SEMA5A: variants seen among roughly 807,000 people sequenced by gnomAD.
SEMA5A encodes semaphorin-5A.
In SEMA5A, 55 loss-of-function variants were observed where a neutral mutation model predicts 135.5. The observed-to-expected ratio is 0.41, with a 90% CI of 0.33 to 0.51. SEMA5A has a LOEUF of 0.51. Ranked by LOEUF, SEMA5A falls within the 20% of genes least tolerant of loss-of-function variation. The pLI is 0.37. For missense variants in SEMA5A, 1,290 were observed against 1,419.9 expected (o/e 0.91, Z 1.47); for synonymous variants, 580 against 546.5 (o/e 1.06, Z -0.85).
At chr5:9,225,389 T>TAATA (rs1747241939) in intron 7 of SEMA5A, among the ~76,000 whole-genome samples, 2 of 43,084 alleles carry the variant, frequency 4.6e-5, no homozygotes, top group African/African-American at 2.1e-4. Flanking sequence ...CCATCTCTAC[T>TAATA]AAAAAAAAAA....
intron 3 of SEMA5A, among the ~76,000 whole-genome samples, chr5:9,353,403 A>AAAGGAAGGAAAGG (rs1754302094): frequency 8.3e-6 from 1 of 120,614 alleles, no homozygotes; most frequent in Non-Finnish European, 1.9e-5. Context: ...GAAGGGAAAG[A>AAAGGAAGGAAAGG]AAGGAAGGAA....
At chr5:9,103,974 G>C (rs915898815) in intron 16 of SEMA5A, among the ~76,000 whole-genome samples, 1 of 152,148 alleles carries the variant, frequency 6.6e-6, no homozygotes, top group African/African-American at 2.4e-5. Flanking sequence ...CAAGAGAAGA[G>C]CTATAGAAAG....
chr5:9,376,752 A>G (rs2126464299), intron 3 of SEMA5A, among the ~76,000 whole-genome samples: 1 of 152,316 alleles, frequency 6.6e-6, no homozygotes, highest in South Asian at 2.1e-4. Flanking sequence ...CCATTTATGC[A>G]CTGAGTTTGG....
At chr5:9,113,085 G>C (rs183694405) in intron 15 of SEMA5A, among the ~76,000 whole-genome samples, 1 of 152,248 alleles carries the variant, frequency 6.6e-6, no homozygotes, top group East Asian at 1.9e-4. Flanking sequence ...TCACAGCTAG[G>C]GCCTCTATGT....
At position 9,147,168 on chromosome 5, in the gene SEMA5A, C is replaced by T. The variant is rs117655994; in HGVS notation, c.1481+7320G>A. 1.3e-4 allele frequency among the ~76,000 whole-genome samples: 20 copies of T among 152,256 alleles called. No homozygotes were observed. The East Asian group carries it at 3.9e-3, about 29-fold the overall frequency. On this transcript the variant is annotated intron_variant, in intron 12 of 22. Transcript: ENST00000382496. The stretch of plus-strand genomic sequence containing the variant: ...AAACATCCTGTAGTAATCTAATTTT[C>T]CATACTAATTTTTTGATGAGGTGTT...
intron 1 of SEMA5A, among the ~76,000 whole-genome samples, chr5:9,507,047 T>C (rs1300777763): frequency 6.6e-6 from 1 of 152,168 alleles, no homozygotes. Flanking sequence ...AGAAAGGAGG[T>C]GCCATTAGTA....
intron 15 of SEMA5A, among the ~76,000 whole-genome samples, chr5:9,115,134 T>C (rs1740446100): frequency 6.6e-6 from 1 of 152,204 alleles, no homozygotes; most frequent in Non-Finnish European, 1.5e-5. Flanking sequence ...CATAATGTTT[T>C]TAAGAAACTT....
intron 5 of SEMA5A, among the ~76,000 whole-genome samples, chr5:9,291,565 A>G (rs1306543712): frequency 6.6e-6 from 1 of 151,896 alleles, no homozygotes; most frequent in Non-Finnish European, 1.5e-5. Context: ...AATGGAGAAG[A>G]AAGGAGGATG....
chr5:9,159,331 G>T (rs1269635218), intron 11 of SEMA5A, among the ~76,000 whole-genome samples: 2 of 152,186 alleles, frequency 1.3e-5, no homozygotes, highest in African/African-American at 4.8e-5. Flanking sequence ...ACTGAAACAG[G>T]GGAAGAGGTA....
At chr5:9,522,820 G>T (rs1199837155) in intron 1 of SEMA5A, 1 of 152,210 alleles carries the variant, frequency 6.6e-6, no homozygotes, top group Non-Finnish European at 1.5e-5. Context: ...CAGTTCATGA[G>T]AGAACTGGTC....
chr5:9,384,641 TAG>T lies in SEMA5A; in HGVS notation c.-77-4620_-77-4619del, dbSNP rs1360566187. On this transcript the variant is annotated intron_variant, in intron 2 of 22. Coordinates refer to ENST00000382496, the MANE Select transcript of SEMA5A (RefSeq NM_003966.3). ...ATACATAGATAGATAGATAGATAGA[TAG>T]ATAGATAGATAGATAGATATAGATA... Among the ~76,000 whole-genome samples the T allele has an allele frequency of 3.0e-3, 337 of 113,998 alleles. 15 individuals carry two copies. The highest frequency in any genetic ancestry group is 9.3e-3 in the Middle Eastern group (2 of 216). The allele number at this position is 113,998 out of a possible 152,430, so 74.8% of individuals were successfully genotyped here.
chr5:9,503,124 AG>A (rs1430646621), intron 1 of SEMA5A, among the ~76,000 whole-genome samples: 3 of 76,276 alleles, frequency 3.9e-5, no homozygotes, highest in Non-Finnish European at 9.2e-5. Flanking sequence ...ATAGCATAAA[AG>A]AGAGAGAGAG....
At chr5:9,477,737 T>C (rs1434575937) in intron 1 of SEMA5A, among the ~76,000 whole-genome samples, 1 of 152,142 alleles carries the variant, frequency 6.6e-6, no homozygotes, top group Non-Finnish European at 1.5e-5. Context: ...TCATATGTGT[T>C]CACAAAGAGA....
At chr5:9,184,959 A>G (rs1744727932) in intron 11 of SEMA5A, among the ~76,000 whole-genome samples, 1 of 151,676 alleles carries the variant, frequency 6.6e-6, no homozygotes, top group Non-Finnish European at 1.5e-5. Flanking sequence ...ACAGCATCTT[A>G]CTCTGCTTCC....
intron 1 of SEMA5A, among the ~76,000 whole-genome samples, chr5:9,466,251 G>T (rs1759256354): frequency 6.6e-6 from 1 of 151,672 alleles, no homozygotes; most frequent in African/African-American, 2.4e-5. Context: ...GATAGCATTA[G>T]GAGATATACC....
At chr5:9,427,046 C>T (rs1757685706) in intron 2 of SEMA5A, among the ~76,000 whole-genome samples, 1 of 152,184 alleles carries the variant, frequency 6.6e-6, no homozygotes, top group African/African-American at 2.4e-5. Flanking sequence ...GGTGCAGTGG[C>T]TCATGCCTGT....
At chr5:9,374,107 G>A (rs761626403) in intron 3 of SEMA5A, among the ~76,000 whole-genome samples, 2 of 152,210 alleles carry the variant, frequency 1.3e-5, no homozygotes, top group Non-Finnish European at 2.9e-5. Context: ...TAATGGGTCA[G>A]GGTGTTTTAG....
At chr5:9,102,386 A>G (rs2150144160) in intron 16 of SEMA5A, among the ~76,000 whole-genome samples, 1 of 152,322 alleles carries the variant, frequency 6.6e-6, no homozygotes, top group Admixed American at 6.5e-5. Flanking sequence ...AGTATTTCTA[A>G]AACCCACAGG....
intron 15 of SEMA5A, among the ~76,000 whole-genome samples, chr5:9,117,017 C>T (rs558196489): frequency 6.6e-6 from 1 of 152,194 alleles, no homozygotes; most frequent in Admixed American, 6.5e-5. Flanking sequence ...TTACATAGTC[C>T]CTGTTCTTAC....
Sources: allele counts gnomAD v4.1 joint callset (sites outside exome capture counted in the v4.1 genomes callset), GRCh38; gene constraint gnomAD v4.1.1; transcripts MANE v1.5; gene names NCBI Gene and HGNC (gene_info 2026-07-23, HGNC 2026-07-21).